The following HMCN2 variants were observed in gnomAD, a reference collection of about 807,000 sequenced individuals.
The protein encoded by HMCN2 is hemicentin 2, also known as hemicentin-2.
In HMCN2, 325 loss-of-function variants were observed where a neutral mutation model predicts 377.5. The observed-to-expected ratio is 0.86, with a 90% confidence interval of 0.79 to 0.94. The LOEUF is 0.94. Ranked by LOEUF, HMCN2 falls within the 40% of genes least tolerant of loss-of-function variation. The pLI is 0.00. For missense variants in HMCN2, 4,543 were observed against 4,725.3 expected (o/e 0.96, Z 1.13); for synonymous variants, 2,007 against 2,046.8 (o/e 0.98, Z 0.53).
At chr9:130,290,549 G>A (rs1588180907) in intron 4 of HMCN2, among the ~76,000 whole-genome samples, 3 of 152,172 alleles carry the variant, frequency 2.0e-5, no homozygotes, top group Admixed American at 6.5e-5. Context: ...CGGTGGTAAC[G>A]GACCTGCTTC....
At chr9:130,280,380 G>C (rs1835049078) in intron 1 of HMCN2, among the ~76,000 whole-genome samples, 1 of 150,328 alleles carries the variant, frequency 6.7e-6, no homozygotes, top group Non-Finnish European at 1.5e-5. Context: ...CACCATGTTA[G>C]CCAGGATGGT....
chr9:130,392,620 C>T (rs998311698), intron 66 of HMCN2, among the ~76,000 whole-genome samples: 2 of 152,100 alleles, frequency 1.3e-5, no homozygotes, highest in Non-Finnish European at 2.9e-5. Flanking sequence ...GGAGGTCTGG[C>T]TTCAGAATGA....
chr9:130,403,266 A>G lies in HMCN2; in HGVS notation c.11951A>G (p.Glu3984Gly). 7.8e-7 allele frequency: 1 copy of G among 1,289,750 alleles called. No homozygotes were observed. Among genetic ancestry groups the G allele is most frequent in the African/African-American group, 1.5e-5 (1 of 65,936 alleles). 79.9% of individuals were successfully genotyped at this position (1,289,750 alleles called of 1,614,324 possible). ...GAGGAGGAGGTGCTGCTGCCCTGCGAGGCCTCAGGCATCCCCCGGCCGACC... is the reference window on the plus strand; with the variant it reads ...GAGGAGGAGGTGCTGCTGCCCTGCGGGGCCTCAGGCATCCCCCGGCCGACC... Reference protein sequence around the residue: ...VAEEEVLLPCEASGIPRPTIT... With the variant: ...VAEEEVLLPCGASGIPRPTIT... Residue 3984 changes from glutamate (E) to glycine (G), a missense_variant, in exon 79 of 98, where the codon GAG becomes GGG. Transcript: ENST00000683500.
At chr9:130,352,905 G>A (rs951949840) in intron 30 of HMCN2, 22 bp from the exon 31 acceptor site, 16 of 1,248,010 alleles carry the variant, frequency 1.3e-5, no homozygotes, top group Middle Eastern at 2.3e-4. Context: ...CCTGTGACCA[G>A]CCCCACCTCT....
rs960078941 is a variant in HMCN2 at position 130,349,621 on chromosome 9, C to T, written c.4388C>T (p.Ser1463Leu). Residue 1463 changes from serine (S) to leucine (L), a missense_variant, in exon 29 of 98, where the codon TCA becomes TTA. This residue lies in a region of HMCN2 where 1,032 missense variants were observed against 1,285.1 expected (regional missense o/e 0.80). Coordinates refer to ENST00000683500, the MANE Select transcript of HMCN2 (RefSeq NM_001291815.2). ...GACGTGGAGCTGCAGTGTTGGACCT[C>T]AGGGGTCCCCACGCCCCAGGTGGAG... Reference protein sequence around the residue: ...GADVELQCWTSGVPTPQVEWT... With the variant: ...GADVELQCWTLGVPTPQVEWT... The T allele has an allele frequency of 3.8e-6, 5 of 1,303,998 alleles. No homozygotes were observed. The highest frequency in any genetic ancestry group is 5.1e-6 in the Non-Finnish European group (5 of 988,838). 80.8% of individuals were successfully genotyped at this position (1,303,998 alleles called of 1,614,324 possible).
chr9:130,298,245 T>C, intron 7 of HMCN2, among the ~76,000 whole-genome samples: 1 of 151,726 alleles, frequency 6.6e-6, no homozygotes, highest in Non-Finnish European at 1.5e-5. Context: ...TGAGCCACCA[T>C]GCCAGGCCAA....
intron 54 of HMCN2, 57 bp downstream of exon 54, chr9:130,379,524 G>A: frequency 1.2e-6 from 1 of 817,278 alleles, no homozygotes. Context: ...TGTGCTGCCT[G>A]CTGTGTGACC....
intron 85 of HMCN2, among the ~76,000 whole-genome samples, chr9:130,415,240 T>A (rs1445208002): frequency 6.6e-6 from 1 of 152,174 alleles, no homozygotes; most frequent in East Asian, 1.9e-4. Context: ...TGAAACTCAC[T>A]TATCATACCA....
intron 39 of HMCN2, 71 bp downstream of exon 39, chr9:130,362,236 C>T (rs1008366524): frequency 4.2e-6 from 4 of 957,772 alleles, no homozygotes; most frequent in Non-Finnish European, 5.0e-6. Context: ...AGAGGTCAGG[C>T]CCTGGGAACT....
rs546467091 is a variant in HMCN2 at position 130,397,628 on chromosome 9, C to T, written c.11299C>T (p.Arg3767Cys). ...GGCATCCAACTCTGCTGGCTCCGAT[C>T]GTCAAGGCCGTGACCTACGGGTCTT... ...CLASNSAGSD[R>C]QGRDLRVLEP... Residue 3767 changes from arginine to cysteine, a missense_variant, in exon 74 of 98, where the codon CGT (arginine) becomes TGT (cysteine). Coordinates refer to ENST00000683500, the MANE Select transcript of HMCN2 (RefSeq NM_001291815.2). 61 of 1,289,806 alleles carry T rather than the reference C, an allele frequency of 4.7e-5. No homozygotes were observed. In the Admixed American group the frequency reaches 1.1e-3, roughly 23 times the overall value. 79.9% of individuals were successfully genotyped at this position (1,289,806 alleles called of 1,614,324 possible).
Position 130,431,360 on chromosome 9 carries a change from G to A in HMCN2, c.14648-7G>A, listed in dbSNP as rs753835064. 3.6e-5 allele frequency: 56 copies of A among 1,543,494 alleles called. No individual in the cohort carries two copies. Among genetic ancestry groups the A allele is most frequent in the Middle Eastern group, 1.7e-4 (1 of 5,772 alleles). On this transcript the variant is annotated splice_polypyrimidine_tract_variant and splice_region_variant and intron_variant, in intron 95 of 97. Transcript: ENST00000683500. ...CCCCACCTGCCCCACCCCCATGCCC[G>A]GGCCAGACCTTGACGAGTGCCGCGT...
In HMCN2 at chr9:130,396,230, G is replaced by A. The variant is rs1368092301; in HGVS notation, c.11115G>A (p.Leu3705=). The change falls in exon 73 of 98, where the codon CTG becomes CTA. Residue 3705 remains leucine, a synonymous_variant. Transcript: ENST00000683500. ...AVNVSVNQTA[L]LPCQADGVPA... Reference sequence around the variant, plus strand: ...ACGTCTCAGTGAACCAGACAGCCCTGCTGCCTTGCCAGGCCGACGGCGTGC... The same window carrying A: ...ACGTCTCAGTGAACCAGACAGCCCTACTGCCTTGCCAGGCCGACGGCGTGC... 3.1e-6 allele frequency: 4 copies of A among 1,286,960 alleles called. No homozygotes were observed. The highest frequency in any genetic ancestry group is 2.5e-5 in the South Asian group (2 of 80,970). 79.7% of individuals were successfully genotyped at this position (1,286,960 alleles called of 1,614,324 possible). A position where few individuals can be genotyped will look rare whatever the true frequency, so the allele number is the denominator to read the frequency against.
intron 43 of HMCN2, among the ~76,000 whole-genome samples, 195 bp from the exon 44 acceptor site, chr9:130,368,081 G>T (rs139001290): frequency 6.6e-6 from 1 of 152,104 alleles, no homozygotes; most frequent in Non-Finnish European, 1.5e-5. Flanking sequence ...AGGGGGATGG[G>T]GGGAGTTCAG....
rs935544997 is a variant in HMCN2 at position 130,407,493 on chromosome 9, T to C, written c.12554-78T>C. 3.3e-6 allele frequency: 4 copies of C among 1,211,668 alleles called. No individual in the cohort carries two copies. In the African/African-American group the frequency reaches 6.3e-5, roughly 19 times the overall value. The allele number at this position is 1,211,668 out of a possible 1,614,324, so 75.1% of individuals were successfully genotyped here. A position where few individuals can be genotyped will look rare whatever the true frequency, so the allele number is the denominator to read the frequency against. On this transcript the variant is annotated intron_variant, in intron 82 of 97. Transcript: ENST00000683500. ...CATCTGTTTCTGCATTTTTATTAAG[T>C]TCCTGCAGGTACCCAGGCACCAGGG...
At chr9:130,408,722 G>C in intron 83 of HMCN2, 21 bp from the exon 84 acceptor site, 1 of 1,277,650 alleles carries the variant, frequency 7.8e-7, no homozygotes, top group Non-Finnish European at 1.0e-6. Context: ...CTGACAACTT[G>C]CTCGATGTCA....
intron 80 of HMCN2, among the ~76,000 whole-genome samples, chr9:130,404,610 T>G (rs74935250): frequency 0.037 from 5,568 of 152,368 alleles, 166 homozygotes; most frequent in Non-Finnish European, 0.052. Context: ...CTTCTGTGTG[T>G]GTGCGTGTAT....
intron 1 of HMCN2, among the ~76,000 whole-genome samples, chr9:130,273,711 T>C (rs547578208): frequency 3.3e-4 from 51 of 152,330 alleles, no homozygotes; most frequent in African/African-American, 1.2e-3. Context: ...TTGGCCAGGC[T>C]GGTCCCAAAC....
chr9:130,308,474 A>G lies in HMCN2; in HGVS notation c.2200+908A>G, dbSNP rs1302921199. On this transcript the variant is annotated intron_variant, in intron 14 of 97. Coordinates refer to ENST00000683500, the MANE Select transcript of HMCN2 (RefSeq NM_001291815.2). This position sits in a 1 kb window ranked among gnomAD's most constrained non-coding sequence, Gnocchi z 4.1. ...GGTCGCACTAGGTCTTTCTGGGAGC[A>G]GTACGCTGGGCTCCCTCTCGAGGGT... is the stretch of plus-strand genomic sequence containing the variant. Among the ~76,000 whole-genome samples the G allele has an allele frequency of 2.0e-5, 3 of 152,144 alleles. No individual in the cohort carries two copies. The highest frequency in any genetic ancestry group is 7.2e-5 in the African/African-American group (3 of 41,422).
rs191226377 is a variant in HMCN2, at chr9:130,351,257, C to T, written c.4431-166C>T. Among the ~76,000 whole-genome samples, 5 of 152,318 alleles carry T rather than the reference C, an allele frequency of 3.3e-5. No homozygotes were observed. The highest frequency in any genetic ancestry group is 2.6e-4 in the Admixed American group (4 of 15,298). On this transcript the variant is annotated intron_variant, in intron 29 of 97. Coordinates refer to ENST00000683500, the MANE Select transcript of HMCN2 (RefSeq NM_001291815.2). The surrounding 1 kb of genome is among the most constrained non-coding windows in gnomAD (Gnocchi z 5.4). ...TGTTCCGTGGCATGGACGGACCACA[C>T]GTTGTTGATCCATTCCTCGCTTACT...
Sources: allele counts gnomAD v4.1 joint callset (sites outside exome capture counted in the v4.1 genomes callset), GRCh38; gene constraint gnomAD v4.1.1; regional missense constraint gnomAD v4.1.1; non-coding constraint Gnocchi (gnomAD v3.1); transcripts MANE v1.5; gene names NCBI Gene and HGNC (gene_info 2026-07-23, HGNC 2026-07-21).